Variants in HAPLN1 observed in about 807,000 individuals in gnomAD.
The protein encoded by HAPLN1 is Cartilage link protein.
HAPLN1 carries 13 observed loss-of-function variants against 36.5 expected under a neutral mutation model. The ratio of observed to expected loss-of-function variants is 0.36; its 90% CI spans 0.23 to 0.57. The LOEUF (loss-of-function observed/expected upper bound fraction) is 0.57, where lower values mean the gene tolerates loss of function less well. Ranked by LOEUF, HAPLN1 falls within the 20% of genes least tolerant of loss-of-function variation. HAPLN1 has a pLI of 0.83. For synonymous variants in HAPLN1, 202 were observed against 169.8 expected, an observed-to-expected ratio of 1.19 and a Z score of -1.48; for missense variants, 407 against 439.7, an observed-to-expected ratio of 0.93 and a Z score of 0.66.
intron 2 of HAPLN1, among the ~76,000 whole-genome samples, chr5:83,658,122 A>C (rs1260843040): frequency 6.6e-6 from 1 of 152,184 alleles, no homozygotes; most frequent in Non-Finnish European, 1.5e-5. Flanking sequence ...ATTTGAAAAA[A>C]AAATGCACAA....
At chr5:83,705,387 C>CAAAAAGAAAAAAAAAAAAAAAAAAAAAA (rs1751616196) in intron 1 of HAPLN1, among the ~76,000 whole-genome samples, 1 of 85,424 alleles carries the variant, frequency 1.2e-5, no homozygotes, top group African/African-American at 4.8e-5. Context: ...TGAAACGTCA[C>CAAAAAGAAAAAAAAAAAAAAAAAAAAAA]AAAAAAAAAA....
intron 2 of HAPLN1, among the ~76,000 whole-genome samples, chr5:83,654,405 A>T (rs1232162745): frequency 6.6e-6 from 1 of 152,200 alleles, no homozygotes; most frequent in Non-Finnish European, 1.5e-5. Context: ...GAATCTCAAG[A>T]TATAAAACAT....
At position 83,693,361 on chromosome 5, in the gene HAPLN1, C is replaced by G. The variant is rs1025535491; in HGVS notation, c.-26-19812G>C. 4.9e-4 allele frequency among the ~76,000 whole-genome samples: 74 copies of G among 151,556 alleles called. 1 individual carries two copies. Among genetic ancestry groups the G allele is most frequent in the African/African-American group, 1.7e-3 (71 of 41,378 alleles). On this transcript the variant is annotated intron_variant, in intron 1 of 4. Coordinates refer to ENST00000274341, the MANE Select transcript of HAPLN1 (RefSeq NM_001884.4). ...ATAACTAATAAACCGACAAAGGAGA[C>G]AGAATGGAATTTTTGGAAAATATTC...
chr5:83,712,996 A>G (rs375734117), intron 1 of HAPLN1, among the ~76,000 whole-genome samples: 2 of 152,122 alleles, frequency 1.3e-5, no homozygotes, highest in African/African-American at 2.4e-5. Flanking sequence ...AAAACGAATT[A>G]TAAATAGACT....
rs1749568212 is a variant in HAPLN1 at position 83,638,099 on chromosome 5, A to C, written c.*3397T>G. The C allele has an allele frequency of 6.6e-6, 1 of 151,986 alleles. No homozygotes were observed. Among genetic ancestry groups the C allele is most frequent in the Non-Finnish European group, 1.5e-5 (1 of 67,886 alleles). 9.4% of individuals were successfully genotyped at this position (151,986 alleles called of 1,614,324 possible). On this transcript the variant is annotated 3_prime_UTR_variant, in exon 5 of 5. Transcript: ENST00000274341. ...ATTTGAAGTCAAATGTATCAGAACA[A>C]GAATGAATTAAATGCCTTTCTTGGA...
chr5:83,641,019 G>T lies in HAPLN1; in HGVS notation c.*477C>A, dbSNP rs1179623751. On this transcript the variant is annotated 3_prime_UTR_variant, in exon 5 of 5. Coordinates refer to ENST00000274341, the MANE Select transcript of HAPLN1 (RefSeq NM_001884.4). The stretch of plus-strand genomic sequence containing the variant: ...AGAAAGGTATAGATTGTTCCCTTGT[G>T]AAACTGAGTTTTGTATAACCTCTCA... The T allele has an allele frequency of 6.6e-6, 1 of 151,520 alleles. No individual in the cohort carries two copies. Among genetic ancestry groups the T allele is most frequent in the Non-Finnish European group, 1.5e-5 (1 of 67,920 alleles). The allele number at this position is 151,520 out of a possible 1,614,324, so 9.4% of individuals were successfully genotyped here. A position where few individuals can be genotyped will look rare whatever the true frequency, so the allele number is the denominator to read the frequency against.
At chr5:83,712,362 G>A (rs190096097) in intron 1 of HAPLN1, among the ~76,000 whole-genome samples, 4 of 151,996 alleles carry the variant, frequency 2.6e-5, no homozygotes, top group African/African-American at 9.6e-5. Flanking sequence ...TGAAAATGGA[G>A]CACATAAAAA....
intron 3 of HAPLN1, among the ~76,000 whole-genome samples, chr5:83,651,000 ATTTTATTGTATT>A (rs1444922116): frequency 6.6e-6 from 1 of 151,916 alleles, no homozygotes; most frequent in Non-Finnish European, 1.5e-5. Flanking sequence ...CAGTGACCTT[ATTTTATTGTATT>A]TATTTTTATT....
rs144158919 is a variant in HAPLN1 at position 83,676,140 on chromosome 5, A to G, written c.-26-2591T>C. Among the ~76,000 whole-genome samples the G allele has an allele frequency of 1.2e-4, 19 of 152,230 alleles. No individual in the cohort carries two copies. The East Asian group carries it at 3.5e-3, about 28-fold the overall frequency. On this transcript the variant is annotated intron_variant, in intron 1 of 4. Coordinates refer to ENST00000274341, the MANE Select transcript of HAPLN1 (RefSeq NM_001884.4). ...CATGAACAAAGTCTTGGTGGTTCAC[A>G]TGTGTGCACACATACACAGAGATAT... is the stretch of plus-strand genomic sequence containing the variant.
chr5:83,695,345 C>T (rs868039612), intron 1 of HAPLN1, among the ~76,000 whole-genome samples: 8 of 151,822 alleles, frequency 5.3e-5, no homozygotes, highest in Admixed American at 5.3e-4. Flanking sequence ...AGGCTGGTCT[C>T]GAACTCCTGA....
At position 83,639,623 on chromosome 5, in the gene HAPLN1, T is replaced by G. The variant is rs760014372; in HGVS notation, c.*1873A>C. The stretch of plus-strand genomic sequence containing the variant: ...TCCCCTCTTTAAATAATATATCATC[T>G]CATCCTAGACCATTTAGGTATCTTC... On this transcript the variant is annotated 3_prime_UTR_variant, in exon 5 of 5. Transcript: ENST00000274341. The G allele has an allele frequency of 1.3e-5, 2 of 152,082 alleles. No individual in the cohort carries two copies. The highest frequency in any genetic ancestry group is 2.9e-5 in the Non-Finnish European group (2 of 67,934). 9.4% of individuals were successfully genotyped at this position (152,082 alleles called of 1,614,324 possible).
chr5:83,683,924 G>T (rs1178796998), intron 1 of HAPLN1, among the ~76,000 whole-genome samples: 1 of 152,070 alleles, frequency 6.6e-6, no homozygotes, highest in Admixed American at 6.6e-5. Context: ...AAAAAACAGG[G>T]CCCCTACTGC....
At chr5:83,645,091 T>G (rs1343894443) in intron 3 of HAPLN1, among the ~76,000 whole-genome samples, 1 of 151,940 alleles carries the variant, frequency 6.6e-6, no homozygotes, top group Non-Finnish European at 1.5e-5. Flanking sequence ...AATATAGAAA[T>G]AGTCATTGTT....
At chr5:83,706,533 C>T (rs1302404086) in intron 1 of HAPLN1, among the ~76,000 whole-genome samples, 1 of 152,122 alleles carries the variant, frequency 6.6e-6, no homozygotes, top group South Asian at 2.1e-4. Context: ...TTCAACATCG[C>T]TTCATGTTAA....
At chr5:83,719,913 AG>A (rs1354639432) in intron 1 of HAPLN1, among the ~76,000 whole-genome samples, 2 of 152,248 alleles carry the variant, frequency 1.3e-5, no homozygotes, top group African/African-American at 4.8e-5. Flanking sequence ...GAACATGTAC[AG>A]GAACACTTTC....
intron 2 of HAPLN1, among the ~76,000 whole-genome samples, chr5:83,665,599 T>A (rs1750529956): frequency 6.6e-6 from 1 of 152,200 alleles, no homozygotes; most frequent in Non-Finnish European, 1.5e-5. Flanking sequence ...CCTACTTTTT[T>A]ACCTAATCTC....
chr5:83,705,387 C>CAAAAAAAAAAAAAAAAAAAAAAAAAA (rs762927081), intron 1 of HAPLN1, among the ~76,000 whole-genome samples: 1 of 85,424 alleles, frequency 1.2e-5, no homozygotes, highest in Non-Finnish European at 2.2e-5. Flanking sequence ...TGAAACGTCA[C>CAAAAAAAAAAAAAAAAAAAAAAAAAA]AAAAAAAAAA....
intron 3 of HAPLN1, among the ~76,000 whole-genome samples, chr5:83,650,632 C>CTTTTTTTT (rs5869195): frequency 9.6e-6 from 1 of 103,764 alleles, no homozygotes; most frequent in Non-Finnish European, 1.8e-5. Flanking sequence ...AAATTCTTTT[C>CTTTTTTTT]TTTTTTTTTT....
chr5:83,712,181 G>T (rs188128634), intron 1 of HAPLN1, among the ~76,000 whole-genome samples: 1 of 152,214 alleles, frequency 6.6e-6, no homozygotes, highest in Non-Finnish European at 1.5e-5. Flanking sequence ...ACCTCAAAGT[G>T]TCACAAGGTG....
Sources: allele counts gnomAD v4.1 joint callset (sites outside exome capture counted in the v4.1 genomes callset), GRCh38; gene constraint gnomAD v4.1.1; transcripts MANE v1.5; gene names NCBI Gene and HGNC (gene_info 2026-07-23, HGNC 2026-07-21).